The following CACNB4 variants were observed in gnomAD, a reference collection of about 807,000 sequenced individuals.
CACNB4 encodes the protein voltage-dependent L-type calcium channel subunit beta-4.
A neutral mutation model predicts 71.2 loss-of-function variants in CACNB4; 32 were observed. That is an observed-to-expected ratio of 0.45 (90% CI 0.34 to 0.60). The LOEUF (loss-of-function observed/expected upper bound fraction) is 0.60. CACNB4 is among the 20% of genes least tolerant of loss of function. CACNB4 has a pLI of 0.01. For synonymous variants in CACNB4, 231 were observed against 236.9 expected (o/e 0.97, Z 0.23); for missense variants, 464 against 647.9 (o/e 0.72, Z 3.08).
intron 2 of CACNB4, among the ~76,000 whole-genome samples, chr2:151,896,076 C>A (rs1041272465): frequency 6.6e-6 from 1 of 152,154 alleles, no homozygotes; most frequent in African/African-American, 2.4e-5. Flanking sequence ...GAACTCCTGA[C>A]CTCAGGTGAT....
chr2:152,053,675 T>C (rs757699964), intron 2 of CACNB4, among the ~76,000 whole-genome samples: 7 of 152,016 alleles, frequency 4.6e-5, no homozygotes, highest in Non-Finnish European at 7.4e-5. Flanking sequence ...AGGCACATGC[T>C]ACCATGCTCA....
chr2:151,876,755 G>GTA (rs1328362935), intron 4 of CACNB4, among the ~76,000 whole-genome samples, 199 bp from the exon 5 acceptor site: 22 of 26,028 alleles, frequency 8.5e-4, no homozygotes, highest in African/African-American at 1.7e-3. Context: ...ATATGTATAT[G>GTA]TGTGTATACT....
intron 12 of CACNB4, chr2:151,852,975 A>T (rs1164184944): frequency 6.6e-6 from 1 of 152,332 alleles, no homozygotes; most frequent in Non-Finnish European, 1.5e-5. Context: ...TTCGTTTTTC[A>T]TCTGACTCAG....
intron 2 of CACNB4, among the ~76,000 whole-genome samples, chr2:151,915,976 C>G (rs2099857411): frequency 1.2e-5 from 1 of 82,420 alleles, no homozygotes; most frequent in Non-Finnish European, 4.0e-5. Context: ...CACTCACCAC[C>G]TCCCTTGGCT....
intron 2 of CACNB4, among the ~76,000 whole-genome samples, chr2:151,884,467 CAAA>C (rs35007488): frequency 8.5e-6 from 1 of 117,048 alleles, no homozygotes; most frequent in Admixed American, 8.9e-5. Flanking sequence ...ACTAAAAATA[CAAA>C]AAAAAAAAAA....
intron 4 of CACNB4, 61 bp downstream of exon 4, chr2:151,880,739 G>C: frequency 6.4e-7 from 1 of 1,571,356 alleles, no homozygotes; most frequent in Non-Finnish European, 8.6e-7. Flanking sequence ...GTTTGGCTCA[G>C]AGCTGATTCC....
chr2:151,983,356 T>C (rs1036842148), intron 2 of CACNB4, among the ~76,000 whole-genome samples: 2 of 152,242 alleles, frequency 1.3e-5, no homozygotes, highest in East Asian at 1.9e-4. Context: ...CTCAGTCTGA[T>C]TGGTCATTTC....
chr2:151,909,777 G>A (rs1295186611), intron 2 of CACNB4, among the ~76,000 whole-genome samples: 1 of 152,152 alleles, frequency 6.6e-6, no homozygotes, highest in Admixed American at 6.6e-5. Flanking sequence ...TGGTGGATAC[G>A]TACCACATTT....
chr2:151,855,494 T>G lies in CACNB4; in HGVS notation c.869-119A>C. 4 of 752,872 alleles carry G rather than the reference T, an allele frequency of 5.3e-6. No homozygotes were observed. In the Admixed American group the frequency reaches 1.2e-4, roughly 22 times the overall value. 46.6% of individuals were successfully genotyped at this position (752,872 alleles called of 1,614,324 possible). On this transcript the variant is annotated intron_variant, in intron 10 of 13. Transcript: ENST00000539935. ...CATTACAAAATAAAACATTTTAAATTTTCATAGTCCTGTCTAATTTAAGAC... is the reference window on the plus strand; with the variant it reads ...CATTACAAAATAAAACATTTTAAATGTTCATAGTCCTGTCTAATTTAAGAC...
At chr2:151,855,398 G>A (rs749877185) in intron 10 of CACNB4, 23 bp from the exon 11 acceptor site, 1 of 1,543,400 alleles carries the variant, frequency 6.5e-7, no homozygotes, top group South Asian at 1.2e-5. Flanking sequence ...ATAATAAATA[G>A]ATCCCGGTTA....
intron 2 of CACNB4, among the ~76,000 whole-genome samples, chr2:152,041,970 A>T (rs1285202417): frequency 6.6e-6 from 1 of 152,148 alleles, no homozygotes; most frequent in Admixed American, 6.5e-5. Context: ...AGCACATAGG[A>T]GGTGTTCAAT....
chr2:152,081,308 C>T (rs1295115502), intron 2 of CACNB4, among the ~76,000 whole-genome samples: 1 of 152,082 alleles, frequency 6.6e-6, no homozygotes, highest in South Asian at 2.1e-4. Context: ...GTAACTTAAA[C>T]AATGTGAGTT....
intron 2 of CACNB4, among the ~76,000 whole-genome samples, chr2:151,994,208 T>C (rs985231702): frequency 7.2e-5 from 11 of 151,920 alleles, no homozygotes; most frequent in African/African-American, 2.7e-4. Flanking sequence ...AATTTTCCTG[T>C]CTGGAATCCA....
At chr2:152,073,885 T>C (rs1427856345) in intron 2 of CACNB4, among the ~76,000 whole-genome samples, 3 of 152,106 alleles carry the variant, frequency 2.0e-5, no homozygotes, top group Non-Finnish European at 4.4e-5. Flanking sequence ...CCCTAGCTTC[T>C]AGGTGAAAAG....
intron 2 of CACNB4, among the ~76,000 whole-genome samples, chr2:151,888,649 C>A (rs2099849975): frequency 6.6e-6 from 1 of 152,198 alleles, no homozygotes; most frequent in South Asian, 2.1e-4. Flanking sequence ...CCTAGTCCAA[C>A]AATCCCAGTC....
intron 2 of CACNB4, among the ~76,000 whole-genome samples, chr2:151,888,201 T>G (rs575165096): frequency 6.6e-6 from 1 of 152,326 alleles, no homozygotes; most frequent in South Asian, 2.1e-4. Context: ...GTATAAGTAA[T>G]TTTAGTATTT....
At chr2:152,090,177 G>A (rs1687893450) in intron 2 of CACNB4, among the ~76,000 whole-genome samples, 1 of 152,210 alleles carries the variant, frequency 6.6e-6, no homozygotes, top group Admixed American at 6.5e-5. Context: ...AGTGGCCAAA[G>A]GAAGGCCATT....
At chr2:152,004,244 C>T (rs1196638094) in intron 2 of CACNB4, among the ~76,000 whole-genome samples, 1 of 152,184 alleles carries the variant, frequency 6.6e-6, no homozygotes. Context: ...TTATTTCCCT[C>T]TGAATGAACC....
At chr2:151,949,669 G>A (rs113675596) in intron 2 of CACNB4, among the ~76,000 whole-genome samples, 1 of 152,252 alleles carries the variant, frequency 6.6e-6, no homozygotes, top group East Asian at 1.9e-4. Context: ...CCAAGGAAAG[G>A]CATCTGCAAT....
Sources: allele counts gnomAD v4.1 joint callset (sites outside exome capture counted in the v4.1 genomes callset), GRCh38; gene constraint gnomAD v4.1.1; transcripts MANE v1.5; gene names NCBI Gene and HGNC (gene_info 2026-07-23, HGNC 2026-07-21).